Variants in DSCAM observed in about 807,000 individuals in gnomAD.
The protein encoded by DSCAM is cell adhesion molecule DSCAM.
Under a neutral mutation model 217.7 loss-of-function variants are expected in DSCAM, and 47 were observed. The ratio of observed to expected loss-of-function variants is 0.22; its 90% confidence interval spans 0.17 to 0.28. The LOEUF (loss-of-function observed/expected upper bound fraction) is 0.28, where lower values mean the gene tolerates loss of function less well. Ranked by LOEUF, DSCAM falls within the 10% of genes least tolerant of loss-of-function variation. The probability of loss-of-function intolerance (pLI) is 1.00; values close to 1 mark genes in which losing one functional copy is unlikely to be tolerated. For synonymous variants in DSCAM, 1,056 were observed against 1,015.3 expected, an observed-to-expected ratio of 1.04 and a Z score of -0.76; for missense variants, 2,080 against 2,618.3, an observed-to-expected ratio of 0.79 and a Z score of 4.49.
At chr21:40,770,971 A>G (rs1420027430) in intron 1 of DSCAM, among the ~76,000 whole-genome samples, 1 of 152,216 alleles carries the variant, frequency 6.6e-6, no homozygotes, top group Non-Finnish European at 1.5e-5. Context: ...AACTTCCAGG[A>G]GATTTAGAAT....
chr21:40,385,072 T>A (rs2075069391), intron 3 of DSCAM: 2 of 152,188 alleles, frequency 1.3e-5, no homozygotes, highest in South Asian at 4.1e-4. Context: ...GTATTCCCAG[T>A]TTCGACTTTT....
chr21:40,242,740 C>G (rs939043233), intron 11 of DSCAM, among the ~76,000 whole-genome samples: 11 of 152,222 alleles, frequency 7.2e-5, no homozygotes, highest in South Asian at 2.1e-4. Context: ...CCTGAGCCCA[C>G]AATAAGCAGA....
intron 3 of DSCAM, among the ~76,000 whole-genome samples, chr21:40,566,523 A>T (rs1205983382): frequency 6.6e-6 from 1 of 152,222 alleles, no homozygotes; most frequent in Non-Finnish European, 1.5e-5. Flanking sequence ...CCAACACATT[A>T]TTCATTATGC....
In DSCAM at chr21:40,777,565, C is replaced by A. The variant is rs148877624; in HGVS notation, c.44-68794G>T. Among the ~76,000 whole-genome samples the A allele has an allele frequency of 4.9e-3, 740 of 152,180 alleles. 16 individuals carry two copies. In the South Asian group the frequency reaches 0.067, roughly 14 times the overall value. On this transcript the variant is annotated intron_variant, in intron 1 of 32. Coordinates refer to ENST00000400454, the MANE Select transcript of DSCAM (RefSeq NM_001389.5). The stretch of plus-strand genomic sequence containing the variant: ...GAAAACGGGAGAAAACGAAAATAAT[C>A]ATCATCATCATCATTAAGAATTCCA...
intron 3 of DSCAM, among the ~76,000 whole-genome samples, chr21:40,463,308 T>C (rs1601662812): frequency 6.6e-6 from 1 of 152,146 alleles, no homozygotes; most frequent in East Asian, 1.9e-4. Context: ...GAGCTGGACA[T>C]AGCTGAACAT....
chr21:40,109,914 G>A lies in DSCAM; in HGVS notation c.3696+14281C>T, dbSNP rs1424885591. Among the ~76,000 whole-genome samples the A allele has an allele frequency of 2.0e-5, 3 of 152,200 alleles. No individual in the cohort carries two copies. The East Asian group carries it at 5.8e-4, about 29-fold the overall frequency. On this transcript the variant is annotated intron_variant, in intron 20 of 32. Transcript: ENST00000400454. ...GAGGCTTGAGTAGGTAAACAAAGTG[G>A]CCGGGAAGCTCAAACTGGGTGGAGC... is the stretch of plus-strand genomic sequence containing the variant.
chr21:40,044,880 C>T lies in DSCAM; in HGVS notation c.5186-605G>A, dbSNP rs968615895. Among the ~76,000 whole-genome samples the T allele has an allele frequency of 2.0e-5, 3 of 152,168 alleles. No homozygotes were observed. In the East Asian group the frequency reaches 5.8e-4, roughly 29 times the overall value. On this transcript the variant is annotated intron_variant, in intron 30 of 32. Transcript: ENST00000400454. ...TTCTACATCCTTAGGTGTTGTTATG[C>T]GTGAATCACGTCCCCCCAAAAGACA... is the stretch of plus-strand genomic sequence containing the variant.
At chr21:40,533,870 C>G (rs1303949148) in intron 3 of DSCAM, among the ~76,000 whole-genome samples, 1 of 152,204 alleles carries the variant, frequency 6.6e-6, no homozygotes, top group Non-Finnish European at 1.5e-5. Flanking sequence ...TGTCATCACT[C>G]TCAATATTCT....
intron 3 of DSCAM, among the ~76,000 whole-genome samples, chr21:40,469,274 T>A (rs1394246624): frequency 6.6e-6 from 1 of 152,126 alleles, no homozygotes; most frequent in Non-Finnish European, 1.5e-5. Context: ...TTCTCATGCA[T>A]CCTTTCTCAG....
At chr21:40,721,721 T>A (rs976376243) in intron 1 of DSCAM, among the ~76,000 whole-genome samples, 1 of 151,484 alleles carries the variant, frequency 6.6e-6, no homozygotes, top group Non-Finnish European at 1.5e-5. Context: ...ATAATTGGAG[T>A]TCTAGGATGA....
chr21:40,326,388 T>C (rs2074317336), intron 8 of DSCAM, among the ~76,000 whole-genome samples: 1 of 152,226 alleles, frequency 6.6e-6, no homozygotes, highest in Non-Finnish European at 1.5e-5. Context: ...CAGAGGGCTA[T>C]GTTTCATTGA....
intron 14 of DSCAM, among the ~76,000 whole-genome samples, chr21:40,181,694 C>T (rs901224739): frequency 2.0e-5 from 3 of 151,408 alleles, no homozygotes; most frequent in South Asian, 2.1e-4. Context: ...CTGAAAATCT[C>T]GTATGCCTAG....
chr21:40,038,809 C>A (rs946905149), intron 32 of DSCAM, among the ~76,000 whole-genome samples: 5 of 150,710 alleles, frequency 3.3e-5, no homozygotes, highest in African/African-American at 1.2e-4. Flanking sequence ...AAATGTGGCA[C>A]ATATACACCA....
intron 16 of DSCAM, among the ~76,000 whole-genome samples, chr21:40,152,479 A>G (rs145774376): frequency 1.1e-4 from 16 of 152,258 alleles, no homozygotes; most frequent in African/African-American, 3.9e-4. Context: ...TTTATCTGCC[A>G]TCTGTGGAAT....
chr21:40,171,708 TCTA>T (rs1341367351), intron 15 of DSCAM, among the ~76,000 whole-genome samples: 3 of 152,170 alleles, frequency 2.0e-5, no homozygotes, highest in Non-Finnish European at 4.4e-5. Context: ...CACTAAATTT[TCTA>T]CTATGTTTCT....
At position 40,290,395 on chromosome 21, in the gene DSCAM, G is replaced by C. The variant is rs370037230; in HGVS notation, c.2182+5660C>G. 2.6e-5 allele frequency among the ~76,000 whole-genome samples: 4 copies of C among 152,116 alleles called. No homozygotes were observed. In the East Asian group the frequency reaches 7.7e-4, roughly 29 times the overall value. On this transcript the variant is annotated intron_variant, in intron 10 of 32. Transcript: ENST00000400454. ...CCCAGCACTTTGGGAGACCGAGTTG[G>C]GTGGATCACGAGGTCAGGAGTTCAA...
chr21:40,620,914 G>A (rs61049316), intron 3 of DSCAM, among the ~76,000 whole-genome samples: 22,449 of 152,198 alleles, frequency 0.15, 2,099 homozygotes, highest in East Asian at 0.29. Context: ...ACGACTCAGC[G>A]TGCACTGATG....
intron 3 of DSCAM, among the ~76,000 whole-genome samples, chr21:40,435,296 G>T (rs191900584): frequency 6.6e-6 from 1 of 152,260 alleles, no homozygotes; most frequent in East Asian, 1.9e-4. Flanking sequence ...TTAAATCCTT[G>T]CATTCTTTCA....
At chr21:40,749,322 A>T (rs904128296) in intron 1 of DSCAM, among the ~76,000 whole-genome samples, 1 of 152,206 alleles carries the variant, frequency 6.6e-6, no homozygotes, top group Non-Finnish European at 1.5e-5. Context: ...TGCACTATGC[A>T]TCTGACAAGG....
Sources: gnomAD v4.1 joint callset for allele counts (sites outside exome capture counted in the v4.1 genomes callset) on GRCh38, gnomAD v4.1.1 for gene constraint, MANE v1.5 for transcripts, NCBI Gene and HGNC (gene_info 2026-07-23, HGNC 2026-07-21) for gene names.